POLE: variants seen among roughly 807,000 people sequenced by gnomAD.
POLE encodes the protein DNA polymerase epsilon, catalytic subunit, also known as DNA polymerase epsilon catalytic subunit A.
In POLE, 188 loss-of-function variants were observed where a neutral mutation model predicts 279.2. The ratio of observed to expected loss-of-function variants is 0.67; its 90% CI spans 0.60 to 0.76. The LOEUF is 0.76. POLE is among the 30% of genes least tolerant of loss of function. The pLI is 0.00. For missense variants in POLE, 2,703 were observed against 3,016.7 expected, an observed-to-expected ratio of 0.90 and a Z score of 2.44; for synonymous variants, 1,214 against 1,172.5, an observed-to-expected ratio of 1.04 and a Z score of -0.72.
chr12:132,623,981 C>CT lies in POLE; in HGVS notation c.*715dup, dbSNP rs1266067294. On this transcript the variant is annotated 3_prime_UTR_variant, in exon 49 of 49. Transcript: ENST00000320574. ...GTGCCCTGTGAAATTGGCCTTTCTT[C>CT]TTTCTGCTTCCAGCTGGTCCTGTGT... 3 of 190,812 alleles carry CT rather than the reference C, an allele frequency of 1.6e-5. No individual in the cohort carries two copies. Among genetic ancestry groups the CT allele is most frequent in the African/African-American group, 7.0e-5 (3 of 42,902 alleles). 11.8% of individuals were successfully genotyped at this position (190,812 alleles called of 1,614,324 possible).
At chr12:132,659,859 T>C in intron 25 of POLE, 1 of 236,994 alleles carries the variant, frequency 4.2e-6, no homozygotes, top group Non-Finnish European at 8.3e-6. Context: ...ATCCAGCTAA[T>C]TTTTGTATTT....
chr12:132,632,245 A>G (rs2041946823), intron 45 of POLE, 70 bp downstream of exon 45: 1 of 1,271,788 alleles, frequency 7.9e-7, no homozygotes, highest in Non-Finnish European at 1.1e-6. Flanking sequence ...CTCACCTTGC[A>G]CACAGTAACA....
At chr12:132,637,319 C>T (rs2042053681) in intron 41 of POLE, among the ~76,000 whole-genome samples, 1 of 152,194 alleles carries the variant, frequency 6.6e-6, no homozygotes, top group Admixed American at 6.5e-5. Flanking sequence ...ATGCAAAGAT[C>T]AGACCCATGC....
At chr12:132,685,103 C>T (rs2043231453) in intron 1 of POLE, among the ~76,000 whole-genome samples, 4 of 102,514 alleles carry the variant, frequency 3.9e-5, no homozygotes, top group East Asian at 2.7e-4. Context: ...TATATCACAC[C>T]GTCCCAGTAC....
At chr12:132,654,164 GTT>G (rs111889436) in intron 29 of POLE, among the ~76,000 whole-genome samples, 21 of 147,782 alleles carry the variant, frequency 1.4e-4, no homozygotes, top group African/African-American at 2.5e-4. Flanking sequence ...TGAGCTAAGG[GTT>G]TTTTTTTTCC....
At chr12:132,633,046 T>A in intron 43 of POLE, 1 of 408,616 alleles carries the variant, frequency 2.4e-6, no homozygotes, top group Admixed American at 4.2e-5. Context: ...CCATGTACAC[T>A]AAGCCTCTCA....
intron 20 of POLE, among the ~76,000 whole-genome samples, chr12:132,666,356 G>C (rs1226759176): frequency 6.6e-6 from 1 of 152,258 alleles, no homozygotes; most frequent in African/African-American, 2.4e-5. Context: ...GGGAGGCTGG[G>C]GTGGATAGAT....
Position 132,636,863 on chromosome 12 carries a change from T to C in POLE, c.5679-839A>G, listed in dbSNP as rs2042045629. On this transcript the variant is annotated intron_variant, in intron 41 of 48. Transcript: ENST00000320574. ...TCAAAATGCAGCTGAGTAGCCCACA[T>C]CGCAGCTCCTGCAGGAGAACTTTAT... Among the ~76,000 whole-genome samples, 3 of 152,256 alleles carry C rather than the reference T, an allele frequency of 2.0e-5. No individual in the cohort carries two copies. In the South Asian group the frequency reaches 6.2e-4, roughly 32 times the overall value.
intron 45 of POLE, among the ~76,000 whole-genome samples, chr12:132,630,101 C>A (rs1033326190): frequency 5.9e-5 from 9 of 152,118 alleles, no homozygotes; most frequent in Admixed American, 5.9e-4. Context: ...CGGTTCATGG[C>A]GCCCCAAAAC....
In POLE at chr12:132,675,289, C is replaced by A. The variant is rs533038989; in HGVS notation, c.1226+109G>T. 10 of 1,422,436 alleles carry A rather than the reference C, an allele frequency of 7.0e-6. No individual in the cohort carries two copies. The highest frequency in any genetic ancestry group is 1.3e-5 in the South Asian group (1 of 74,456). 88.1% of individuals were successfully genotyped at this position (1,422,436 alleles called of 1,614,324 possible). A position where few individuals can be genotyped will look rare whatever the true frequency, so the allele number is the denominator to read the frequency against. On this transcript the variant is annotated intron_variant, in intron 12 of 48. Transcript: ENST00000320574. The surrounding 1 kb of genome is among the most constrained non-coding windows in gnomAD (Gnocchi z 4.3). ...TCTTGGGTGACCTGAAACGGCCTCT[C>A]GGAGGCCACCCTCCTCCCATGAGAT...
Position 132,664,448 on chromosome 12 carries a change from G to A in POLE, c.2483C>T (p.Ser828Phe), listed in dbSNP as rs2042747349. Residue 828 changes from serine to phenylalanine, a missense_variant, in exon 22 of 49, where the codon TCC becomes TTC. Ser to Phe is a radical substitution (Grantham distance 155). Around this residue, in one of 5 missense-constraint regions of POLE, gnomAD observed 1,011 missense variants for 1,111.7 expected, o/e 0.91. Transcript: ENST00000320574. The surrounding 1 kb of genome is among the most constrained non-coding windows in gnomAD (Gnocchi z 5.3). Reference protein sequence around the residue: ...YVMRKGARWYSMEMAGIVCFT... With the variant: ...YVMRKGARWYFMEMAGIVCFT... ...GCAGACGATGCCAGCCATCTCCATG[G>A]AGTACCAGCGAGCCCTGAGAGGACA... The A allele has an allele frequency of 1.2e-6, 2 of 1,613,970 alleles. No homozygotes were observed. The highest frequency in any genetic ancestry group is 1.1e-5 in the South Asian group (1 of 91,080).
intron 45 of POLE, among the ~76,000 whole-genome samples, chr12:132,629,729 C>T (rs2041900241): frequency 6.6e-6 from 1 of 152,238 alleles, no homozygotes; most frequent in Admixed American, 6.5e-5. Flanking sequence ...GGATGCTTCA[C>T]TTCTTTATCT....
chr12:132,671,074 C>T (rs569948076), intron 16 of POLE, among the ~76,000 whole-genome samples: 21 of 150,328 alleles, frequency 1.4e-4, no homozygotes, highest in Admixed American at 3.3e-4. Context: ...AGCAGCCTGG[C>T]CAACGTGGTG....
Position 132,680,014 on chromosome 12 carries a change from G to A in POLE, c.363C>T (p.Ser121=), listed in dbSNP as rs1555230177. The part of the protein sequence containing the change: ...GCEREVSSFL[S]KKFQGKIAKV... ...TTGCAATTTTGCCCTGAAACTTCTT[G>A]GAGAGAAAAGATGAAACTTCTCGCT... The change falls in exon 5 of 49, where the codon TCC becomes TCT. Residue 121 remains serine (S), a synonymous_variant. Transcript: ENST00000320574. 6.2e-7 allele frequency: 1 copy of A among 1,613,958 alleles called. No individual in the cohort carries two copies. Among genetic ancestry groups the A allele is most frequent in the Non-Finnish European group, 8.5e-7 (1 of 1,179,894 alleles).
In POLE at chr12:132,625,361, T is replaced by C. The variant is rs4883544; in HGVS notation, c.6657+284A>G. ...GCAAGACCTTCCTGTGGCCGAGCTG[T>C]GCAACTCCCTCTTCCTCCTTTCCTT... On this transcript the variant is annotated intron_variant, in intron 47 of 48. Transcript: ENST00000320574. 0.63 allele frequency: 461,750 copies of C among 729,596 alleles called. 149,276 individuals are homozygous for C. Among genetic ancestry groups the C allele is most frequent in the East Asian group, 0.81 (30,820 of 38,236 alleles). 45.2% of individuals were successfully genotyped at this position (729,596 alleles called of 1,614,324 possible).
chr12:132,636,387 C>T (rs946928165), intron 41 of POLE, among the ~76,000 whole-genome samples: 4 of 146,758 alleles, frequency 2.7e-5, no homozygotes, highest in Middle Eastern at 3.6e-3. Context: ...TGTCACTCCT[C>T]GGTTAAGCCT....
In POLE at chr12:132,632,733, T is replaced by C. The variant is rs1385486279; in HGVS notation, c.6067A>G (p.Thr2023Ala). 7 of 1,612,980 alleles carry C rather than the reference T, an allele frequency of 4.3e-6. No homozygotes were observed. In the South Asian group the frequency reaches 4.4e-5, roughly 10 times the overall value. The part of the protein sequence containing the change: ...DGLRRSAPGS[T>A]PVRRRGASQL... The stretch of plus-strand genomic sequence containing the variant: ...CTGGCCCCCCTCCTCCTCACGGGGG[T>C]GCTCCCTGGAGCACTGCGCCTCAGC... The change falls in exon 44 of 49, where the codon ACC becomes GCC. Residue 2023 changes from threonine (T) to alanine (A), a missense_variant. Physicochemically the swap from Thr to Ala is moderately conservative, Grantham distance 58. Around this residue, in one of 5 missense-constraint regions of POLE, gnomAD observed 1,551 missense variants for 1,686.1 expected, o/e 0.92. Coordinates refer to ENST00000320574, the MANE Select transcript of POLE (RefSeq NM_006231.4).
chr12:132,639,038 C>G lies in POLE; in HGVS notation c.5552+87G>C. ...AAATACACTACTTATCCCAGAGGCA[C>G]TGGCTGGCCATGTCTCTGGTTCTGG... On this transcript the variant is annotated intron_variant, in intron 40 of 48. Transcript: ENST00000320574. The surrounding 1 kb of genome is among the most constrained non-coding windows in gnomAD (Gnocchi z 4.7). 1 of 1,142,042 alleles carries G rather than the reference C, an allele frequency of 8.8e-7. No homozygotes were observed. Among genetic ancestry groups the G allele is most frequent in the South Asian group, 1.3e-5 (1 of 74,862 alleles). The allele number at this position is 1,142,042 out of a possible 1,614,324, so 70.7% of individuals were successfully genotyped here. A position where few individuals can be genotyped will look rare whatever the true frequency, so the allele number is the denominator to read the frequency against.
rs374456899 is a variant in POLE, at chr12:132,657,212, T to C, written c.3506A>G (p.Lys1169Arg). The C allele has an allele frequency of 2.5e-6, 4 of 1,613,806 alleles. No individual in the cohort carries two copies. The highest frequency in any genetic ancestry group is 2.5e-6 in the Non-Finnish European group (3 of 1,179,930). ...PRVKHPDWLH[K>R]KLLEKNDVYK... ...GACATCATTCTTCTCCAGCAGTTTT[T>C]TGTGCAGCCAGTCGGGGTGTTTGAC... is the stretch of plus-strand genomic sequence containing the variant. Residue 1169 changes from lysine to arginine, a missense_variant, in exon 29 of 49, where the codon AAA (lysine) becomes AGA (arginine). Transcript: ENST00000320574.
Sources: allele counts gnomAD v4.1 joint callset (sites outside exome capture counted in the v4.1 genomes callset), GRCh38; gene constraint gnomAD v4.1.1; regional missense constraint gnomAD v4.1.1; non-coding constraint Gnocchi (gnomAD v3.1); transcripts MANE v1.5; gene names NCBI Gene and HGNC (gene_info 2026-07-23, HGNC 2026-07-21).